Variants in RELN observed in about 807,000 individuals in gnomAD.
RELN encodes reelin.
Under a neutral mutation model 427.6 loss-of-function variants are expected in RELN, and 108 were observed. That is an observed-to-expected ratio of 0.25 (90% confidence interval 0.22 to 0.30). RELN has a LOEUF of 0.30. Among genes scored for constraint, RELN ranks in the 10% least tolerant of loss-of-function variants. The pLI, the probability that RELN is intolerant of heterozygous loss-of-function variation, is 1.00. For missense variants in RELN, 3,715 were observed against 4,302.8 expected (o/e 0.86, Z 3.82); for synonymous variants, 1,524 against 1,513.4 (o/e 1.01, Z -0.16).
chr7:103,602,617 T>C (rs545292471), intron 24 of RELN, among the ~76,000 whole-genome samples: 36 of 152,002 alleles, frequency 2.4e-4, no homozygotes, highest in African/African-American at 7.7e-4. Flanking sequence ...CACTCATAAG[T>C]GGGAGTTGAA....
intron 20 of RELN, among the ~76,000 whole-genome samples, chr7:103,621,015 A>G (rs918563310): frequency 6.6e-5 from 10 of 152,224 alleles, no homozygotes; most frequent in African/African-American, 2.2e-4. Flanking sequence ...AACTCTGTGC[A>G]ACCACGTGCC....
At chr7:103,609,751 A>G (rs1309075354) in intron 22 of RELN, among the ~76,000 whole-genome samples, 1 of 152,204 alleles carries the variant, frequency 6.6e-6, no homozygotes, top group Admixed American at 6.5e-5. Context: ...CTTTTATATA[A>G]AATAATCTGA....
chr7:103,976,225 G>C (rs191090537), intron 1 of RELN, among the ~76,000 whole-genome samples: 1 of 152,290 alleles, frequency 6.6e-6, no homozygotes, highest in East Asian at 1.9e-4. Context: ...TGTTACTTTT[G>C]TTGGTAAAAT....
At chr7:103,654,451 A>T (rs1398256566) in intron 12 of RELN, among the ~76,000 whole-genome samples, 1 of 152,120 alleles carries the variant, frequency 6.6e-6, no homozygotes, top group African/African-American at 2.4e-5. Context: ...AGATTACTCA[A>T]ATAATTGTCT....
chr7:103,989,497 G>T lies in RELN; in HGVS notation c.-141C>A, dbSNP rs1413136676. 1.5e-6 allele frequency: 1 copy of T among 682,378 alleles called. No homozygotes were observed. The highest frequency in any genetic ancestry group is 2.1e-6 in the Non-Finnish European group (1 of 469,158). The allele number at this position is 682,378 out of a possible 1,614,324, so 42.3% of individuals were successfully genotyped here. A position where few individuals can be genotyped will look rare whatever the true frequency, so the allele number is the denominator to read the frequency against. On this transcript the variant is annotated 5_prime_UTR_variant, in exon 1 of 65. Transcript: ENST00000428762. This position sits in a 1 kb window ranked among gnomAD's most constrained non-coding sequence, Gnocchi z 4.9. Reference sequence around the variant, plus strand: ...GCGGAACGGGCTCGGGAGCGGGCCTGGGAGCGGGCCCCCGCCGAGAAGTTC... The same window carrying T: ...GCGGAACGGGCTCGGGAGCGGGCCTTGGAGCGGGCCCCCGCCGAGAAGTTC...
At chr7:103,756,560 A>G (rs1413266791) in intron 4 of RELN, among the ~76,000 whole-genome samples, 1 of 152,214 alleles carries the variant, frequency 6.6e-6, no homozygotes, top group Non-Finnish European at 1.5e-5. Context: ...GCTACTCCTT[A>G]GTTGTAATAT....
intron 2 of RELN, among the ~76,000 whole-genome samples, chr7:103,848,171 T>C (rs983728570): frequency 3.9e-5 from 6 of 152,292 alleles, no homozygotes; most frequent in Admixed American, 3.9e-4. Context: ...GTTCATCACT[T>C]CTACTAGGGT....
intron 58 of RELN, 109 bp downstream of exon 58, chr7:103,491,844 T>TCACA (rs1828667821): frequency 9.6e-6 from 6 of 628,040 alleles, no homozygotes; most frequent in South Asian, 4.9e-5. Flanking sequence ...TCTCTCTCTC[T>TCACA]CTCTCTCTCT....
At chr7:103,682,867 G>T (rs1315661530) in intron 10 of RELN, among the ~76,000 whole-genome samples, 1 of 152,048 alleles carries the variant, frequency 6.6e-6, no homozygotes, top group African/African-American at 2.4e-5. Flanking sequence ...TATGAACTTT[G>T]TTAATCCCCA....
At chr7:103,960,983 A>G (rs1796541320) in intron 1 of RELN, among the ~76,000 whole-genome samples, 1 of 152,258 alleles carries the variant, frequency 6.6e-6, no homozygotes, top group African/African-American at 2.4e-5. Context: ...ATGTGTGCAC[A>G]CAAGAGGGAC....
intron 1 of RELN, among the ~76,000 whole-genome samples, chr7:103,954,437 T>C (rs2116772380): frequency 7.3e-6 from 1 of 136,334 alleles, no homozygotes; most frequent in African/African-American, 2.6e-5. Flanking sequence ...AGGATGTATG[T>C]GTAAGCATGT....
chr7:103,954,558 C>T (rs1464494489), intron 1 of RELN, among the ~76,000 whole-genome samples: 1 of 152,184 alleles, frequency 6.6e-6, no homozygotes, highest in Non-Finnish European at 1.5e-5. Context: ...TTCCCAATTG[C>T]AGGCCATCTG....
At chr7:103,780,317 G>A (rs262351) in intron 3 of RELN, among the ~76,000 whole-genome samples, 1,876 of 152,220 alleles carry the variant, frequency 0.012, 26 homozygotes, top group African/African-American at 0.042. Context: ...CATATATTTA[G>A]TCTTCACCTA....
intron 22 of RELN, among the ~76,000 whole-genome samples, chr7:103,608,918 G>T (rs933249228): frequency 1.1e-4 from 17 of 152,038 alleles, no homozygotes; most frequent in African/African-American, 4.1e-4. Flanking sequence ...GGGACAAAAA[G>T]ACATCTCTAA....
chr7:103,733,598 T>C (rs1452833226), intron 6 of RELN, among the ~76,000 whole-genome samples: 1 of 145,094 alleles, frequency 6.9e-6, no homozygotes, highest in Non-Finnish European at 1.5e-5. Context: ...CACCATGGAA[T>C]ACTATGCAGC....
At chr7:103,794,179 T>A (rs890271090) in intron 3 of RELN, among the ~76,000 whole-genome samples, 2 of 152,184 alleles carry the variant, frequency 1.3e-5, no homozygotes, top group African/African-American at 4.8e-5. Flanking sequence ...TGGGCAACTT[T>A]AAAAATATAC....
At chr7:103,751,025 T>C (rs1489868132) in intron 5 of RELN, among the ~76,000 whole-genome samples, 1 of 152,184 alleles carries the variant, frequency 6.6e-6, no homozygotes, top group South Asian at 2.1e-4. Context: ...AGTGTGCTTA[T>C]TTTAAAGGTT....
chr7:103,611,391 CTTTTTT>C (rs1831951365), intron 21 of RELN, among the ~76,000 whole-genome samples: 1 of 152,068 alleles, frequency 6.6e-6, no homozygotes, highest in African/African-American at 2.4e-5. Context: ...ATTTTCATTT[CTTTTTT>C]ATTTCCAATT....
chr7:103,513,758 G>T (rs932806987), intron 50 of RELN: 7 of 151,680 alleles, frequency 4.6e-5, no homozygotes, highest in African/African-American at 1.5e-4. Context: ...AGGAAATAAG[G>T]ATTTAATTCT....
Sources: allele counts gnomAD v4.1 joint callset (sites outside exome capture counted in the v4.1 genomes callset), GRCh38; gene constraint gnomAD v4.1.1; non-coding constraint Gnocchi (gnomAD v3.1); transcripts MANE v1.5; gene names NCBI Gene and HGNC (gene_info 2026-07-23, HGNC 2026-07-21).